ERC1: variants seen among roughly 807,000 people sequenced by gnomAD.
The protein encoded by ERC1 is ELKS/RAB6-interacting/CAST family member 1.
ERC1 carries 56 observed loss-of-function variants against 132.0 expected under a neutral mutation model. That is an observed-to-expected ratio of 0.42 (90% confidence interval 0.34 to 0.53). ERC1 has a LOEUF of 0.53. ERC1 is among the 20% of genes least tolerant of loss of function. The pLI is 0.03. For missense variants in ERC1, 1,202 were observed against 1,349.9 expected, an observed-to-expected ratio of 0.89 and a Z score of 1.72; for synonymous variants, 478 against 476.1, an observed-to-expected ratio of 1.00 and a Z score of -0.05.
intron 2 of ERC1, among the ~76,000 whole-genome samples, chr12:1,045,074 TAAC>T (rs1970874977): frequency 6.6e-6 from 1 of 152,150 alleles, no homozygotes; most frequent in Non-Finnish European, 1.5e-5. Flanking sequence ...GAAGATGACT[TAAC>T]AAGGCAGTGG....
At chr12:1,006,959 A>G (rs1375737987) in intron 1 of ERC1, among the ~76,000 whole-genome samples, 1 of 149,972 alleles carries the variant, frequency 6.7e-6, no homozygotes, top group East Asian at 1.9e-4. Flanking sequence ...AGTATATATA[A>G]TATAGTATAT....
intron 12 of ERC1, among the ~76,000 whole-genome samples, chr12:1,195,982 G>A (rs557224974): frequency 1.8e-4 from 26 of 147,914 alleles, no homozygotes; most frequent in Non-Finnish European, 3.0e-4. Flanking sequence ...GACAACACAC[G>A]GGCCCTGACC....
chr12:1,401,192 C>T lies in ERC1; in HGVS notation c.2926-6957C>T, dbSNP rs1362417438. 2.6e-5 allele frequency among the ~76,000 whole-genome samples: 4 copies of T among 152,038 alleles called. No individual in the cohort carries two copies. The South Asian group carries it at 8.3e-4, about 32-fold the overall frequency. The stretch of plus-strand genomic sequence containing the variant: ...CTTGTGATCCGCCCGTCTCAGCCTT[C>T]CAAAGTGCTGGGATTACAGGCGTGA... On this transcript the variant is annotated intron_variant, in intron 16 of 18. Coordinates refer to ENST00000360905, the MANE Select transcript of ERC1 (RefSeq NM_178040.4).
At chr12:1,154,354 T>TACACACACACACACACAC (rs35510985) in intron 8 of ERC1, among the ~76,000 whole-genome samples, 16 of 145,840 alleles carry the variant, frequency 1.1e-4, no homozygotes, top group African/African-American at 3.8e-4. Flanking sequence ...TGTGTGTTTA[T>TACACACACACACACACAC]ACACACACAC....
At chr12:1,013,730 T>TTCTGTCTGTCTGTCTTTGGG (rs1387909087) in intron 1 of ERC1, among the ~76,000 whole-genome samples, 4 of 152,152 alleles carry the variant, frequency 2.6e-5, no homozygotes, top group Admixed American at 1.3e-4. Context: ...CTTTCTGTCT[T>TTCTGTCTGTCTGTCTTTGGG]TCTGTCTGTC....
intron 15 of ERC1, among the ~76,000 whole-genome samples, chr12:1,330,195 G>C (rs539585725): frequency 6.6e-6 from 1 of 152,302 alleles, no homozygotes; most frequent in African/African-American, 2.4e-5. Flanking sequence ...AGATAGCACA[G>C]AAAGGCCTAT....
intron 16 of ERC1, among the ~76,000 whole-genome samples, chr12:1,375,396 C>T (rs902444276): frequency 2.6e-5 from 4 of 152,182 alleles, no homozygotes; most frequent in African/African-American, 9.7e-5. Context: ...CCAGGCCCCT[C>T]CCCTGACACA....
rs200718699 is a variant in ERC1 at position 1,195,052 on chromosome 12, C to T, written c.2351+5000C>T. On this transcript the variant is annotated intron_variant, in intron 12 of 18. Transcript: ENST00000360905. ...GATAAAGTTATTGATATATGAGCAG[C>T]GATTTGAAGGAGGGGCTCTATAAGA... Among the ~76,000 whole-genome samples the T allele has an allele frequency of 1.8e-4, 27 of 151,882 alleles. No individual in the cohort carries two copies. In the East Asian group the frequency reaches 3.9e-3, roughly 22 times the overall value.
intron 16 of ERC1, among the ~76,000 whole-genome samples, chr12:1,395,554 G>A (rs1322962375): frequency 2.0e-5 from 3 of 151,998 alleles, no homozygotes; most frequent in Non-Finnish European, 2.9e-5. Context: ...AAATATACAT[G>A]GTAATTGGAA....
chr12:1,022,344 AAAAC>A (rs1231604192), intron 1 of ERC1, among the ~76,000 whole-genome samples: 1 of 152,258 alleles, frequency 6.6e-6, no homozygotes, highest in Non-Finnish European at 1.5e-5. Flanking sequence ...CTGGATTTGA[AAAAC>A]AAACATCTCA....
At chr12:993,863 C>T (rs1416582778) in intron 1 of ERC1, among the ~76,000 whole-genome samples, 1 of 152,140 alleles carries the variant, frequency 6.6e-6, no homozygotes, top group African/African-American at 2.4e-5. Context: ...GATCATGCCA[C>T]TGCACTCCAG....
chr12:1,165,919 G>T (rs963651194), intron 8 of ERC1, among the ~76,000 whole-genome samples: 2 of 152,026 alleles, frequency 1.3e-5, no homozygotes, highest in Non-Finnish European at 1.5e-5. Flanking sequence ...CATCACTTCA[G>T]AAAGAAACTC....
chr12:1,492,241 T>C lies in ERC1; in HGVS notation c.*2011T>C, dbSNP rs994694533. ...AGAGAGGGGTGCAGGGGTTAGATAG[T>C]AAGTGGTGGTCGTTTGTGGTCAGTT... is the stretch of plus-strand genomic sequence containing the variant. On this transcript the variant is annotated 3_prime_UTR_variant, in exon 19 of 19. Transcript: ENST00000360905. 1.7e-5 allele frequency: 4 copies of C among 233,140 alleles called. No homozygotes were observed. Among genetic ancestry groups the C allele is most frequent in the Non-Finnish European group, 3.4e-5 (4 of 118,052 alleles). 14.4% of individuals were successfully genotyped at this position (233,140 alleles called of 1,614,324 possible). A position where few individuals can be genotyped will look rare whatever the true frequency, so the allele number is the denominator to read the frequency against.
chr12:1,448,702 T>C (rs1296545396), intron 18 of ERC1, among the ~76,000 whole-genome samples: 5 of 152,212 alleles, frequency 3.3e-5, no homozygotes, highest in African/African-American at 9.7e-5. Flanking sequence ...ACCACCGCCA[T>C]GAGGACAGGA....
At position 1,492,957 on chromosome 12, in the gene ERC1, G is replaced by C. The variant is rs1041915229; in HGVS notation, c.*2727G>C. On this transcript the variant is annotated 3_prime_UTR_variant, in exon 19 of 19. Transcript: ENST00000360905. ...TATATAGCCTTGAAAACTCAGTGCA[G>C]GTTGCCCTTAATTTTCCCCAAACCC... 2.2e-5 allele frequency: 5 copies of C among 227,198 alleles called. No homozygotes were observed. Among genetic ancestry groups the C allele is most frequent in the African/African-American group, 1.1e-4 (5 of 44,942 alleles). The allele number at this position is 227,198 out of a possible 1,614,324, so 14.1% of individuals were successfully genotyped here.
At chr12:1,167,722 T>C (rs561836222) in intron 8 of ERC1, among the ~76,000 whole-genome samples, 12 of 151,322 alleles carry the variant, frequency 7.9e-5, no homozygotes, top group South Asian at 4.2e-4. Context: ...CTTTTCTTTT[T>C]TTTTTTTTTT....
At chr12:1,099,846 T>G in intron 3 of ERC1, among the ~76,000 whole-genome samples, 1 of 114,524 alleles carries the variant, frequency 8.7e-6, no homozygotes, top group South Asian at 3.5e-4. Flanking sequence ...TTTTTTTTTT[T>G]TTTTTTTTTT....
chr12:1,155,210 C>T lies in ERC1; in HGVS notation c.1737+13423C>T, dbSNP rs183039262. Among the ~76,000 whole-genome samples, 361 of 148,910 alleles carry T rather than the reference C, an allele frequency of 2.4e-3. 1 individual carries two copies. The highest frequency in any genetic ancestry group is 7.8e-3 in the African/African-American group (315 of 40,398). On this transcript the variant is annotated intron_variant, in intron 8 of 18. Transcript: ENST00000360905. Reference sequence around the variant, plus strand: ...GCATATTGGTACGTGCCTGTAGTCTCAGCTACTTGGGAGGCTGAGACACGA... The same window carrying T: ...GCATATTGGTACGTGCCTGTAGTCTTAGCTACTTGGGAGGCTGAGACACGA...
chr12:992,965 C>T (rs1019636413), intron 1 of ERC1, among the ~76,000 whole-genome samples: 2 of 152,128 alleles, frequency 1.3e-5, no homozygotes, highest in African/African-American at 4.8e-5. Flanking sequence ...TTTCTTGTAA[C>T]CCAAAAGAGA....
Sources: allele counts gnomAD v4.1 joint callset (sites outside exome capture counted in the v4.1 genomes callset), GRCh38; gene constraint gnomAD v4.1.1; transcripts MANE v1.5; gene names NCBI Gene and HGNC (gene_info 2026-07-23, HGNC 2026-07-21).